The following DCLK1 variants were observed in gnomAD, a reference collection of about 807,000 sequenced individuals.
DCLK1 encodes doublecortin like kinase 1, also known as serine/threonine-protein kinase DCLK1.
A neutral mutation model predicts 86.2 loss-of-function variants in DCLK1; 16 were observed. That is an observed-to-expected ratio of 0.19 (90% CI 0.13 to 0.28). DCLK1 has a LOEUF of 0.28. Among genes scored for constraint, DCLK1 ranks in the 10% least tolerant of loss-of-function variants. The pLI, the probability that DCLK1 is intolerant of heterozygous loss-of-function variation, is 1.00. For missense variants in DCLK1, 590 were observed against 940.2 expected (o/e 0.63, Z 4.87); for synonymous variants, 369 against 370.5 (o/e 1.00, Z 0.05).
At position 35,827,743 on chromosome 13, in the gene DCLK1, G is replaced by A. The variant is rs1868599363; in HGVS notation, c.1299C>T (p.Ile433=). ...TTCTTAAAATAGACACTTCATTCTG[G>A]ATCATGTGCTCCTGTCCAAAGGAAA... ...KSKCRGKEHM[I]QNEVSILRRV... is the part of the protein sequence containing the mutation. Residue 433 remains isoleucine, a synonymous_variant, in exon 10 of 17, where the codon ATC becomes ATT. Coordinates refer to ENST00000360631, the MANE Select transcript of DCLK1 (RefSeq NM_001330071.2). 1 of 1,613,484 alleles carries A rather than the reference G, an allele frequency of 6.2e-7. No homozygotes were observed. Among genetic ancestry groups the A allele is most frequent in the Non-Finnish European group, 8.5e-7 (1 of 1,179,972 alleles).
At chr13:35,816,750 A>G (rs1926463) in intron 11 of DCLK1, among the ~76,000 whole-genome samples, 24,575 of 152,158 alleles carry the variant, frequency 0.16, 3,004 homozygotes, top group African/African-American at 0.33. Context: ...TCTAACCACC[A>G]TTGTGCCACT....
At chr13:35,792,150 G>T (rs2086717819) in intron 16 of DCLK1, among the ~76,000 whole-genome samples, 1 of 152,224 alleles carries the variant, frequency 6.6e-6, no homozygotes, top group African/African-American at 2.4e-5. Context: ...ACATCTGGAA[G>T]AGTAGGCATT....
At chr13:36,126,772 G>A (rs527744999) in intron 1 of DCLK1, among the ~76,000 whole-genome samples, 4 of 152,194 alleles carry the variant, frequency 2.6e-5, no homozygotes, top group Non-Finnish European at 5.9e-5. Flanking sequence ...TTTGTTAGAA[G>A]CAGCTCCTAG....
At chr13:36,048,128 T>C (rs1882990212) in intron 3 of DCLK1, among the ~76,000 whole-genome samples, 1 of 152,152 alleles carries the variant, frequency 6.6e-6, no homozygotes, top group Admixed American at 6.5e-5. Context: ...TTGTATATCA[T>C]AAGTATAATT....
At chr13:35,955,413 G>A (rs1246331493) in intron 3 of DCLK1, among the ~76,000 whole-genome samples, 2 of 152,032 alleles carry the variant, frequency 1.3e-5, no homozygotes, top group Non-Finnish European at 2.9e-5. Flanking sequence ...CGAGGTAGAA[G>A]GGACAAGGGA....
chr13:36,090,513 A>G (rs1449521772), intron 3 of DCLK1, among the ~76,000 whole-genome samples: 1 of 152,160 alleles, frequency 6.6e-6, no homozygotes, highest in Non-Finnish European at 1.5e-5. Context: ...AATATCTCCA[A>G]GGATTTTACA....
chr13:35,906,681 G>A (rs532942806), intron 4 of DCLK1, among the ~76,000 whole-genome samples: 1 of 152,278 alleles, frequency 6.6e-6, no homozygotes, highest in Admixed American at 6.5e-5. Flanking sequence ...CAGACTTGGA[G>A]AACTCTGAAA....
chr13:35,839,020 C>A, intron 7 of DCLK1, 72 bp downstream of exon 7: 1 of 1,397,892 alleles, frequency 7.2e-7, no homozygotes, highest in Non-Finnish European at 9.9e-7. Flanking sequence ...GCTTGAGAAG[C>A]CACAGTTTCT....
chr13:36,106,090 C>T (rs545832624), intron 3 of DCLK1, among the ~76,000 whole-genome samples: 75 of 152,226 alleles, frequency 4.9e-4, no homozygotes, highest in Middle Eastern at 6.8e-3. Context: ...CATTTTACAG[C>T]GAGCTAGAAT....
intron 3 of DCLK1, among the ~76,000 whole-genome samples, chr13:35,975,806 C>T (rs925701119): frequency 6.6e-6 from 1 of 152,174 alleles, no homozygotes; most frequent in Non-Finnish European, 1.5e-5. Context: ...ACATCTGGGC[C>T]ACGCTCCCTT....
intron 16 of DCLK1, among the ~76,000 whole-genome samples, chr13:35,781,176 G>A (rs999093096): frequency 5.9e-5 from 9 of 152,132 alleles, no homozygotes; most frequent in East Asian, 3.9e-4. Context: ...AGGTTTTGCC[G>A]GTCTGAGTCA....
intron 3 of DCLK1, among the ~76,000 whole-genome samples, chr13:36,019,656 G>GT (rs1881686469): frequency 6.6e-6 from 1 of 152,118 alleles, no homozygotes; most frequent in African/African-American, 2.4e-5. Context: ...ATAGATTAGA[G>GT]GTGTACTATG....
chr13:36,079,392 G>T (rs180712626), intron 3 of DCLK1, among the ~76,000 whole-genome samples: 1 of 152,274 alleles, frequency 6.6e-6, no homozygotes, highest in Admixed American at 6.5e-5. Flanking sequence ...AACTTTGGGA[G>T]GCTGAGGCGG....
At chr13:35,845,782 T>C (rs2153108970) in intron 6 of DCLK1, 1 of 320,332 alleles carries the variant, frequency 3.1e-6, no homozygotes, top group South Asian at 1.2e-4. Context: ...TTGATGCTAA[T>C]TACAACAGAA....
intron 8 of DCLK1, among the ~76,000 whole-genome samples, chr13:35,831,256 A>C (rs1868937065): frequency 6.6e-6 from 1 of 152,170 alleles, no homozygotes; most frequent in Non-Finnish European, 1.5e-5. Flanking sequence ...TGATTCCCTG[A>C]GGGCCGAACT....
intron 3 of DCLK1, among the ~76,000 whole-genome samples, chr13:36,041,753 A>G (rs912296753): frequency 7.2e-5 from 11 of 152,172 alleles, no homozygotes; most frequent in Non-Finnish European, 1.2e-4. Flanking sequence ...ACACTCTTGT[A>G]CACATGCACA....
chr13:35,947,142 A>T (rs934470248), intron 4 of DCLK1, among the ~76,000 whole-genome samples: 1 of 152,196 alleles, frequency 6.6e-6, no homozygotes, highest in Non-Finnish European at 1.5e-5. Context: ...TTAGTTACTT[A>T]TTCTTCTAAA....
At chr13:36,082,146 C>T (rs1884441471) in intron 3 of DCLK1, among the ~76,000 whole-genome samples, 1 of 152,094 alleles carries the variant, frequency 6.6e-6, no homozygotes, top group South Asian at 2.1e-4. Context: ...CCTGCCTCCC[C>T]TTTCACCTCC....
intron 1 of DCLK1, among the ~76,000 whole-genome samples, chr13:36,127,024 A>C (rs12184684): frequency 0.016 from 2,451 of 152,302 alleles, 76 homozygotes; most frequent in African/African-American, 0.055. Context: ...GAAGAAAATA[A>C]GCTCTCATAT....
Sources: allele counts gnomAD v4.1 joint callset (sites outside exome capture counted in the v4.1 genomes callset), GRCh38; gene constraint gnomAD v4.1.1; transcripts MANE v1.5; gene names NCBI Gene and HGNC (gene_info 2026-07-23, HGNC 2026-07-21).